Variants in ZCWPW2 observed in about 807,000 individuals in gnomAD.
ZCWPW2 encodes the protein zinc finger CW-type PWWP domain protein 2.
In ZCWPW2, 45 loss-of-function variants were observed where a neutral mutation model predicts 46.6. The ratio of observed to expected loss-of-function variants is 0.96; its 90% CI spans 0.76 to 1.24. The LOEUF is 1.24. Among genes scored for constraint, ZCWPW2 ranks in the 50% most tolerant of loss-of-function variants. The probability of loss-of-function intolerance (pLI) is 0.00; values close to 1 mark genes in which losing one functional copy is unlikely to be tolerated. For missense variants in ZCWPW2, 429 were observed against 403.9 expected (o/e 1.06, Z -0.53); for synonymous variants, 152 against 137.1 (o/e 1.11, Z -0.76).
chr3:28,401,348 C>G (rs1342818194), intron 2 of ZCWPW2, among the ~76,000 whole-genome samples: 1 of 152,166 alleles, frequency 6.6e-6, no homozygotes, highest in African/African-American at 2.4e-5. Context: ...TAAGAATTCA[C>G]CAGCCAACTA....
chr3:28,406,826 C>CTTTTTTTTTTTTT (rs11337849), intron 2 of ZCWPW2, among the ~76,000 whole-genome samples: 1 of 119,984 alleles, frequency 8.3e-6, no homozygotes, highest in Non-Finnish European at 1.7e-5. Context: ...TCTTTTTTTT[C>CTTTTTTTTTTTTT]TTTTTTTTTT....
chr3:28,362,191 TA>T (rs907346026), intron 1 of ZCWPW2, among the ~76,000 whole-genome samples: 5 of 152,256 alleles, frequency 3.3e-5, no homozygotes, highest in South Asian at 4.1e-4. Flanking sequence ...CCTTCAGCCT[TA>T]AAAAAGTTTA....
chr3:28,396,235 C>A (rs1695692300), intron 2 of ZCWPW2, among the ~76,000 whole-genome samples: 1 of 152,000 alleles, frequency 6.6e-6, no homozygotes, highest in Non-Finnish European at 1.5e-5. Context: ...GTTGAATAAC[C>A]AGTATGAAAA....
chr3:28,399,049 A>C (rs1695818109), intron 2 of ZCWPW2, among the ~76,000 whole-genome samples: 1 of 152,174 alleles, frequency 6.6e-6, no homozygotes, highest in Admixed American at 6.5e-5. Context: ...GCAAGTTCTC[A>C]GCCCCATTTG....
chr3:28,488,791 A>G (rs984793355), intron 5 of ZCWPW2, among the ~76,000 whole-genome samples: 5 of 152,114 alleles, frequency 3.3e-5, no homozygotes, highest in Middle Eastern at 3.4e-3. Context: ...ACTGCTTTTC[A>G]CTCTTTATGA....
chr3:28,517,049 G>A (rs1700592151), intron 8 of ZCWPW2, among the ~76,000 whole-genome samples: 1 of 152,224 alleles, frequency 6.6e-6, no homozygotes, highest in African/African-American at 2.4e-5. Context: ...CATCCAGAAT[G>A]TAAAGTAGGA....
rs940491321 is a variant in ZCWPW2 at position 28,480,961 on chromosome 3, G to A, written c.610+2030G>A. On this transcript the variant is annotated intron_variant, in intron 5 of 9. Transcript: ENST00000383768. ...GCTCACTGCAAGCTCCACCTCCCAGGTTCAAACAATTCTCCTGTCTCAGCC... is the reference window on the plus strand; with the variant it reads ...GCTCACTGCAAGCTCCACCTCCCAGATTCAAACAATTCTCCTGTCTCAGCC... 1.1e-4 allele frequency among the ~76,000 whole-genome samples: 16 copies of A among 149,496 alleles called. No homozygotes were observed. In the East Asian group the frequency reaches 3.2e-3, roughly 30 times the overall value.
intron 2 of ZCWPW2, among the ~76,000 whole-genome samples, chr3:28,399,762 A>T (rs1341306657): frequency 6.6e-6 from 1 of 152,204 alleles, no homozygotes; most frequent in Non-Finnish European, 1.5e-5. Context: ...ACCCCATAGG[A>T]CAAAAGAATC....
intron 4 of ZCWPW2, chr3:28,461,490 C>T (rs1046611591): frequency 1.3e-5 from 2 of 151,912 alleles, no homozygotes; most frequent in African/African-American, 4.8e-5. Context: ...CACTGTAATA[C>T]CAGGTGATCA....
rs576796007 is a variant in ZCWPW2 at position 28,358,484 on chromosome 3, C to A, written c.-134+9281C>A. Among the ~76,000 whole-genome samples, 193 of 151,776 alleles carry A rather than the reference C, an allele frequency of 1.3e-3. 1 individual carries two copies. Among genetic ancestry groups the A allele is most frequent in the Admixed American group, 3.4e-3 (52 of 15,256 alleles). ...AAATTCTCAGAGAATTGGGGAACCC[C>A]AGGAAAATTCTCTAACATCAGTTTG... On this transcript the variant is annotated intron_variant, in intron 1 of 9. Transcript: ENST00000383768.
chr3:28,367,049 G>A (rs1340892328), intron 1 of ZCWPW2, among the ~76,000 whole-genome samples: 1 of 151,778 alleles, frequency 6.6e-6, no homozygotes, highest in African/African-American at 2.4e-5. Flanking sequence ...TTCTTTATTA[G>A]TCTCGCTAGC....
At chr3:28,406,826 CTTTT>C (rs11337849) in intron 2 of ZCWPW2, among the ~76,000 whole-genome samples, 1 of 119,978 alleles carries the variant, frequency 8.3e-6, no homozygotes, top group Admixed American at 8.6e-5. Context: ...TCTTTTTTTT[CTTTT>C]TTTTTTTTTT....
chr3:28,352,991 C>G (rs954555686), intron 1 of ZCWPW2, among the ~76,000 whole-genome samples: 6 of 152,044 alleles, frequency 3.9e-5, no homozygotes, highest in African/African-American at 1.4e-4. Flanking sequence ...AAAGACCAGC[C>G]TGGACAACAT....
At chr3:28,453,805 T>G (rs1698316288) in intron 4 of ZCWPW2, among the ~76,000 whole-genome samples, 1 of 142,260 alleles carries the variant, frequency 7.0e-6, no homozygotes, top group African/African-American at 2.8e-5. Context: ...GTATATTTAT[T>G]TATTTATTTA....
rs778509696 is a variant in ZCWPW2, at chr3:28,492,156, G to A, written c.640G>A (p.Ala214Thr). 6.2e-6 allele frequency: 10 copies of A among 1,607,868 alleles called. No individual in the cohort carries two copies. In the African/African-American group the frequency reaches 8.0e-5, roughly 13 times the overall value. The change falls in exon 6 of 10, where the codon GCA becomes ACA. Residue 214 changes from alanine to threonine, a missense_variant. Coordinates refer to ENST00000383768, the MANE Select transcript of ZCWPW2 (RefSeq NM_001040432.4). The stretch of plus-strand genomic sequence containing the variant: ...ATCCGAAACACATGACAAAGTTGCT[G>A]CACTGGTCAAGAAAAGGGTAAGATT... ...DKSETHDKVA[A>T]LVKKRKQTSK...
At chr3:28,363,293 C>T (rs1434005373) in intron 1 of ZCWPW2, among the ~76,000 whole-genome samples, 3 of 151,964 alleles carry the variant, frequency 2.0e-5, no homozygotes, top group Admixed American at 2.0e-4. Flanking sequence ...AACGCAATGA[C>T]AACCAAGTAG....
At chr3:28,393,892 C>G (rs527697150) in intron 2 of ZCWPW2, among the ~76,000 whole-genome samples, 3 of 152,206 alleles carry the variant, frequency 2.0e-5, no homozygotes, top group African/African-American at 4.8e-5. Flanking sequence ...CACTCTCACT[C>G]TCACCACTTC....
chr3:28,515,157 T>G (rs968231744), intron 7 of ZCWPW2, among the ~76,000 whole-genome samples: 2 of 152,196 alleles, frequency 1.3e-5, no homozygotes, highest in Admixed American at 1.3e-4. Flanking sequence ...GTGGAAACAG[T>G]ATGGATTTTG....
At chr3:28,390,433 A>G in intron 1 of ZCWPW2, 65 bp from the exon 2 acceptor site, 1 of 963,298 alleles carries the variant, frequency 1.0e-6, no homozygotes, top group Non-Finnish European at 1.2e-6. Flanking sequence ...ATAATTCTTT[A>G]TTATTTTAAA....
Sources: allele counts gnomAD v4.1 joint callset (sites outside exome capture counted in the v4.1 genomes callset), GRCh38; gene constraint gnomAD v4.1.1; transcripts MANE v1.5; gene names NCBI Gene and HGNC (gene_info 2026-07-23, HGNC 2026-07-21).